The following TCF7L1 variants were observed in gnomAD, a reference collection of about 807,000 sequenced individuals.
The protein encoded by TCF7L1 is transcription factor 7 like 1, also known as transcription factor 7-like 1.
TCF7L1 carries 18 observed loss-of-function variants against 63.7 expected under a neutral mutation model. That is an observed-to-expected ratio of 0.28 (90% CI 0.20 to 0.42). The LOEUF (loss-of-function observed/expected upper bound fraction) is 0.42. TCF7L1 is among the 10% of genes least tolerant of loss of function. TCF7L1 has a pLI of 1.00. For synonymous variants in TCF7L1, 355 were observed against 340.9 expected (o/e 1.04, Z -0.46); for missense variants, 654 against 779.3 (o/e 0.84, Z 1.91).
At chr2:85,182,806 T>A (rs1474794151) in intron 3 of TCF7L1, among the ~76,000 whole-genome samples, 2 of 152,202 alleles carry the variant, frequency 1.3e-5, no homozygotes, top group Admixed American at 6.5e-5. Context: ...GTCTAAGAGC[T>A]CTGCTGTCTT....
intron 3 of TCF7L1, among the ~76,000 whole-genome samples, chr2:85,173,311 G>A (rs1260620425): frequency 6.6e-6 from 1 of 152,028 alleles, no homozygotes; most frequent in Non-Finnish European, 1.5e-5. Context: ...GGAGGAGCAG[G>A]GGAGTGGGTA....
At chr2:85,256,514 C>CG (rs1553404008) in intron 3 of TCF7L1, among the ~76,000 whole-genome samples, 1 of 152,190 alleles carries the variant, frequency 6.6e-6, no homozygotes, top group Non-Finnish European at 1.5e-5. Context: ...CCCCTGCTTC[C>CG]GGACACACAA....
chr2:85,283,650 C>A, intron 4 of TCF7L1, 72 bp downstream of exon 4: 1 of 1,518,366 alleles, frequency 6.6e-7, no homozygotes, highest in African/African-American at 1.4e-5. Context: ...TGCCTTCTGC[C>A]ATCACGCTGA....
At chr2:85,235,782 G>A (rs1680177329) in intron 3 of TCF7L1, among the ~76,000 whole-genome samples, 1 of 152,100 alleles carries the variant, frequency 6.6e-6, no homozygotes, top group Admixed American at 6.6e-5. Flanking sequence ...AACACTTTGG[G>A]AGGCCAAGGT....
intron 3 of TCF7L1, among the ~76,000 whole-genome samples, chr2:85,225,736 G>A (rs1420237098): frequency 2.0e-5 from 3 of 152,210 alleles, no homozygotes; most frequent in Non-Finnish European, 2.9e-5. Context: ...GAGACAATTT[G>A]ACTTCCTCTT....
At chr2:85,282,836 G>GTGTGTT (rs1681451776) in intron 3 of TCF7L1, among the ~76,000 whole-genome samples, 1 of 144,532 alleles carries the variant, frequency 6.9e-6, no homozygotes, top group Non-Finnish European at 1.6e-5. Context: ...GTGTGTGTGT[G>GTGTGTT]TGTGTGTTGG....
At chr2:85,173,788 G>A (rs1274935113) in intron 3 of TCF7L1, among the ~76,000 whole-genome samples, 5 of 151,524 alleles carry the variant, frequency 3.3e-5, no homozygotes, top group African/African-American at 1.2e-4. Context: ...CTAGGCTGGA[G>A]TGCAATGGCG....
intron 3 of TCF7L1, among the ~76,000 whole-genome samples, chr2:85,163,489 A>T (rs941011904): frequency 6.6e-6 from 1 of 152,134 alleles, no homozygotes; most frequent in Admixed American, 6.5e-5. Flanking sequence ...CTCCGAACAG[A>T]ATCTAATTTC....
At chr2:85,273,265 C>T (rs1681195108) in intron 3 of TCF7L1, among the ~76,000 whole-genome samples, 1 of 152,232 alleles carries the variant, frequency 6.6e-6, no homozygotes, top group African/African-American at 2.4e-5. Flanking sequence ...GCTGTGCCAG[C>T]TGCAAGGAAC....
At chr2:85,174,030 C>T (rs1202921020) in intron 3 of TCF7L1, among the ~76,000 whole-genome samples, 4 of 152,096 alleles carry the variant, frequency 2.6e-5, no homozygotes, top group Admixed American at 6.6e-5. Context: ...CCACCGCGCC[C>T]GGCCAGAATT....
chr2:85,209,017 A>C (rs1000909870), intron 3 of TCF7L1, among the ~76,000 whole-genome samples: 1 of 152,200 alleles, frequency 6.6e-6, no homozygotes, highest in African/African-American at 2.4e-5. Flanking sequence ...TATTTCTCTT[A>C]ATCTGAAAGG....
At chr2:85,163,684 G>A (rs554453595) in intron 3 of TCF7L1, among the ~76,000 whole-genome samples, 2 of 152,180 alleles carry the variant, frequency 1.3e-5, no homozygotes, top group South Asian at 2.1e-4. Context: ...AGCTCTGGAG[G>A]CTGGAAGTCT....
chr2:85,227,348 G>T (rs564624154), intron 3 of TCF7L1, among the ~76,000 whole-genome samples: 2 of 152,042 alleles, frequency 1.3e-5, no homozygotes, highest in South Asian at 4.2e-4. Flanking sequence ...TACTAGAGTG[G>T]TTGCCACTTG....
At chr2:85,232,046 C>T (rs1262254555) in intron 3 of TCF7L1, among the ~76,000 whole-genome samples, 1 of 152,166 alleles carries the variant, frequency 6.6e-6, no homozygotes. Flanking sequence ...TTCTCATTGT[C>T]ACACCGTTGA....
chr2:85,223,803 T>C (rs1297997577), intron 3 of TCF7L1, among the ~76,000 whole-genome samples: 1 of 152,242 alleles, frequency 6.6e-6, no homozygotes, highest in East Asian at 1.9e-4. Flanking sequence ...CCTTTTTTTA[T>C]TATACTTTAA....
chr2:85,309,025 C>A lies in TCF7L1; in HGVS notation c.1334-4C>A. On this transcript the variant is annotated splice_region_variant and splice_polypyrimidine_tract_variant and intron_variant, in intron 11 of 11. Coordinates refer to ENST00000282111, the MANE Select transcript of TCF7L1 (RefSeq NM_031283.3). ...GCTCACTCTTTCTTGTATTTTCCCC[C>A]TAGGTGCCCTGGCCTCCAAGAGCAA... 1 of 1,584,100 alleles carries A rather than the reference C, an allele frequency of 6.3e-7. No individual in the cohort carries two copies. The highest frequency in any genetic ancestry group is 1.1e-5 in the South Asian group (1 of 88,452).
Position 85,133,702 on chromosome 2 carries a change from CGGG to C in TCF7L1, c.21_23del (p.Gly14del), listed in dbSNP as rs1416692969. The C allele has an allele frequency of 2.9e-6, 3 of 1,024,548 alleles. No homozygotes were observed. The highest frequency in any genetic ancestry group is 2.1e-5 in the African/African-American group (1 of 47,512). 63.5% of individuals were successfully genotyped at this position (1,024,548 alleles called of 1,614,324 possible). A position where few individuals can be genotyped will look rare whatever the true frequency, so the allele number is the denominator to read the frequency against. ...GCCCCACCATGCCCCAGCTCGGCGG[CGGG>C]GGCGGCGGCGGCGGCGGCGGCAGCG... On this transcript the variant is annotated inframe_deletion, in exon 1 of 12. Coordinates refer to ENST00000282111, the MANE Select transcript of TCF7L1 (RefSeq NM_031283.3). The surrounding 1 kb of genome is among the most constrained non-coding windows in gnomAD (Gnocchi z 4.4).
At chr2:85,298,430 G>A (rs1681885191) in intron 4 of TCF7L1, among the ~76,000 whole-genome samples, 2 of 140,734 alleles carry the variant, frequency 1.4e-5, no homozygotes, top group Non-Finnish European at 3.0e-5. Context: ...GGCGGAGGTT[G>A]CAGTGAGTCG....
At chr2:85,232,485 C>T (rs1022881841) in intron 3 of TCF7L1, among the ~76,000 whole-genome samples, 1 of 152,166 alleles carries the variant, frequency 6.6e-6, no homozygotes, top group African/African-American at 2.4e-5. Context: ...TGACATTCCA[C>T]GGACACAAGC....
Sources: allele counts gnomAD v4.1 joint callset (sites outside exome capture counted in the v4.1 genomes callset), GRCh38; gene constraint gnomAD v4.1.1; non-coding constraint Gnocchi (gnomAD v3.1); transcripts MANE v1.5; gene names NCBI Gene and HGNC (gene_info 2026-07-23, HGNC 2026-07-21).